OPCML: variants seen among roughly 807,000 people sequenced by gnomAD.
OPCML encodes opioid-binding protein/cell adhesion molecule.
In OPCML, 13 loss-of-function variants were observed where a neutral mutation model predicts 37.8. The observed-to-expected ratio is 0.34, with a 90% CI of 0.22 to 0.55. The LOEUF is 0.55. Ranked by LOEUF, OPCML falls within the 20% of genes least tolerant of loss-of-function variation. The pLI, the probability that OPCML is intolerant of heterozygous loss-of-function variation, is 0.91. For synonymous variants in OPCML, 176 were observed against 168.8 expected (o/e 1.04, Z -0.33); for missense variants, 341 against 435.6 (o/e 0.78, Z 1.93).
intron 2 of OPCML, among the ~76,000 whole-genome samples, chr11:132,816,437 T>C (rs1939642763): frequency 6.6e-6 from 1 of 152,218 alleles, no homozygotes; most frequent in African/African-American, 2.4e-5. Context: ...TTTTATATGA[T>C]TTTATGCATT....
At position 133,223,833 on chromosome 11, in the gene OPCML, A is replaced by G. The variant is rs566386483; in HGVS notation, c.62-280823T>C. On this transcript the variant is annotated intron_variant, in intron 1 of 7. Coordinates refer to ENST00000524381, the MANE Select transcript of OPCML (RefSeq NM_001012393.5). ...GCCCGCTCTTGCCATTTTATTTTTG[A>G]AGGCTGTCCCTTGGCCACATCTGAC... is the stretch of plus-strand genomic sequence containing the variant. 2.6e-5 allele frequency among the ~76,000 whole-genome samples: 4 copies of G among 152,290 alleles called. No individual in the cohort carries two copies. In the East Asian group the frequency reaches 7.7e-4, roughly 29 times the overall value.
At chr11:133,377,610 C>CAAAAAAAAAAAAA (rs1219933910) in intron 1 of OPCML, among the ~76,000 whole-genome samples, 1 of 17,152 alleles carries the variant, frequency 5.8e-5, no homozygotes, top group Admixed American at 6.8e-4. Flanking sequence ...TGCCAGTATT[C>CAAAAAAAAAAAAA]AGAAAAAAAA....
In OPCML at chr11:132,591,722, G is replaced by A. The variant is rs559329303; in HGVS notation, c.380-62536C>T. 1.6e-4 allele frequency among the ~76,000 whole-genome samples: 25 copies of A among 152,304 alleles called. 1 individual carries two copies. The South Asian group carries it at 4.6e-3, about 28-fold the overall frequency. On this transcript the variant is annotated intron_variant, in intron 3 of 7. Coordinates refer to ENST00000524381, the MANE Select transcript of OPCML (RefSeq NM_001012393.5). ...ATTAATTAGTTAAAATAAATGAGACGTTACGTAGATGCTGAGTACAGTATT... is the reference window on the plus strand; with the variant it reads ...ATTAATTAGTTAAAATAAATGAGACATTACGTAGATGCTGAGTACAGTATT...
chr11:133,522,998 T>C (rs527876240), intron 1 of OPCML, among the ~76,000 whole-genome samples: 2 of 152,320 alleles, frequency 1.3e-5, no homozygotes, highest in African/African-American at 2.4e-5. Context: ...ACTAGTTGCA[T>C]CTTGGTGGCC....
intron 1 of OPCML, among the ~76,000 whole-genome samples, chr11:133,261,785 A>G (rs1284542018): frequency 6.6e-6 from 1 of 152,208 alleles, no homozygotes; most frequent in African/African-American, 2.4e-5. Context: ...CTCTACTTCA[A>G]TTGCCTTCTT....
At position 132,503,886 on chromosome 11, in the gene OPCML, C is replaced by T. The variant is rs544791753; in HGVS notation, c.505+25175G>A. ...GATCCAAGGACTGTATATTTTATCTCGTTTGCAAAATTGAAGAAAATACAG... is the reference window on the plus strand; with the variant it reads ...GATCCAAGGACTGTATATTTTATCTTGTTTGCAAAATTGAAGAAAATACAG... On this transcript the variant is annotated intron_variant, in intron 4 of 7. Transcript: ENST00000524381. Among the ~76,000 whole-genome samples, 21 of 152,008 alleles carry T rather than the reference C, an allele frequency of 1.4e-4. No individual in the cohort carries two copies. In the South Asian group the frequency reaches 3.3e-3, roughly 24 times the overall value.
intron 1 of OPCML, among the ~76,000 whole-genome samples, chr11:133,125,218 T>G (rs1006083766): frequency 2.0e-5 from 3 of 152,160 alleles, no homozygotes; most frequent in Non-Finnish European, 4.4e-5. Flanking sequence ...CTTTATTATA[T>G]AGACTTGCAT....
intron 2 of OPCML, among the ~76,000 whole-genome samples, chr11:132,879,535 AAATAAAGTGGGAAAGGTAC>A (rs544788648): frequency 5.8e-4 from 89 of 152,324 alleles, no homozygotes; most frequent in African/African-American, 2.1e-3. Flanking sequence ...ATTTTGCAAG[AAATAAAGTGGGAAAGGTAC>A]TGGGAAAGTG....
At chr11:133,148,604 G>A (rs540394597) in intron 1 of OPCML, among the ~76,000 whole-genome samples, 60 of 152,236 alleles carry the variant, frequency 3.9e-4, no homozygotes, top group African/African-American at 1.4e-3. Context: ...TTCATTGCTC[G>A]CTCCATCCCA....
At chr11:132,860,237 G>T (rs1417236827) in intron 2 of OPCML, among the ~76,000 whole-genome samples, 1 of 152,128 alleles carries the variant, frequency 6.6e-6, no homozygotes, top group East Asian at 1.9e-4. Context: ...CTATTGCAGG[G>T]AACTTAATAA....
intron 1 of OPCML, among the ~76,000 whole-genome samples, chr11:132,999,945 C>G (rs936515907): frequency 1.3e-5 from 2 of 152,220 alleles, no homozygotes; most frequent in Non-Finnish European, 2.9e-5. Context: ...CCTGCTTGCA[C>G]TCAGCCCACC....
chr11:132,931,241 A>T (rs1565974541), intron 2 of OPCML, among the ~76,000 whole-genome samples: 1 of 152,176 alleles, frequency 6.6e-6, no homozygotes, highest in Non-Finnish European at 1.5e-5. Context: ...AAGCTTCATG[A>T]GATCGGATTT....
chr11:133,406,655 G>C (rs1945533182), intron 1 of OPCML, among the ~76,000 whole-genome samples: 1 of 152,138 alleles, frequency 6.6e-6, no homozygotes, highest in African/African-American at 2.4e-5. Context: ...TAATTTGAGG[G>C]CCTTTAATTA....
intron 1 of OPCML, among the ~76,000 whole-genome samples, chr11:133,320,744 G>T (rs1943309499): frequency 6.6e-6 from 1 of 152,154 alleles, no homozygotes; most frequent in Non-Finnish European, 1.5e-5. Context: ...AACAGTATGG[G>T]TCACCCCACA....
intron 4 of OPCML, among the ~76,000 whole-genome samples, chr11:132,463,224 T>C (rs1180848916): frequency 6.6e-6 from 1 of 152,240 alleles, no homozygotes; most frequent in Non-Finnish European, 1.5e-5. Flanking sequence ...TTTTGTTCCA[T>C]TCAACACCAT....
rs144656296 is a variant in OPCML, at chr11:132,720,922, G to C, written c.147-63603C>G. On this transcript the variant is annotated intron_variant, in intron 2 of 7. Transcript: ENST00000524381. ...TACATAGAGTTTTTTTTAACATAAG[G>C]CAAAATTACAACTTATAATTCTGGA... Among the ~76,000 whole-genome samples, 438 of 151,706 alleles carry C rather than the reference G, an allele frequency of 2.9e-3. 1 individual carries two copies. The highest frequency in any genetic ancestry group is 1.0e-2 in the African/African-American group (412 of 41,344).
intron 1 of OPCML, among the ~76,000 whole-genome samples, chr11:133,062,604 C>T (rs759071525): frequency 6.6e-6 from 1 of 152,074 alleles, no homozygotes; most frequent in Admixed American, 6.5e-5. Context: ...CTTCATCCCT[C>T]CTTTCCCTAC....
At chr11:133,082,223 G>C (rs1948733550) in intron 1 of OPCML, among the ~76,000 whole-genome samples, 1 of 151,580 alleles carries the variant, frequency 6.6e-6, no homozygotes, top group Non-Finnish European at 1.5e-5. Context: ...GCACGACCCG[G>C]GGTCCTGGGC....
intron 1 of OPCML, among the ~76,000 whole-genome samples, chr11:133,317,128 C>A (rs1194234269): frequency 6.6e-6 from 1 of 152,130 alleles, no homozygotes; most frequent in African/African-American, 2.4e-5. Flanking sequence ...AACCCAGAGG[C>A]GGAGGTTGCA....
Sources: gnomAD v4.1 joint callset for allele counts (sites outside exome capture counted in the v4.1 genomes callset) on GRCh38, gnomAD v4.1.1 for gene constraint, MANE v1.5 for transcripts, NCBI Gene and HGNC (gene_info 2026-07-23, HGNC 2026-07-21) for gene names.